The following STXBP4 variants were observed in gnomAD, a reference collection of about 807,000 sequenced individuals.
STXBP4 encodes the protein syntaxin binding protein 4.
STXBP4 carries 55 observed loss-of-function variants against 76.1 expected under a neutral mutation model. The ratio of observed to expected loss-of-function variants is 0.72; its 90% CI spans 0.58 to 0.91. The LOEUF (loss-of-function observed/expected upper bound fraction) is 0.91, where lower values mean the gene tolerates loss of function less well. STXBP4 is among the 40% of genes least tolerant of loss of function. The pLI is 0.00. For missense variants in STXBP4, 618 were observed against 636.9 expected (o/e 0.97, Z 0.32); for synonymous variants, 201 against 220.2 (o/e 0.91, Z 0.77).
At position 55,171,809 on chromosome 17, in the gene STXBP4, C is replaced by G. The variant is rs1368696359; in HGVS notation, c.*11898C>G. 6.6e-6 allele frequency: 1 copy of G among 152,258 alleles called. No individual in the cohort carries two copies. Among genetic ancestry groups the G allele is most frequent in the Non-Finnish European group, 1.5e-5 (1 of 68,082 alleles). The allele number at this position is 152,258 out of a possible 1,614,324, so 9.4% of individuals were successfully genotyped here. ...CCTGGGGCCTTCAGAGGGAGCGGTGCCCAGCTGACACCTTGACCTTGGACT... is the reference window on the plus strand; with the variant it reads ...CCTGGGGCCTTCAGAGGGAGCGGTGGCCAGCTGACACCTTGACCTTGGACT... On this transcript the variant is annotated 3_prime_UTR_variant, in exon 18 of 18. Coordinates refer to ENST00000376352, the MANE Select transcript of STXBP4 (RefSeq NM_178509.6).
intron 17 of STXBP4, among the ~76,000 whole-genome samples, chr17:55,152,726 T>C (rs941943121): frequency 2.0e-5 from 3 of 152,142 alleles, no homozygotes; most frequent in African/African-American, 7.2e-5. Flanking sequence ...CCTCCCTTGA[T>C]ACTGGGGATT....
intron 10 of STXBP4, among the ~76,000 whole-genome samples, chr17:55,037,279 A>G (rs762396373): frequency 1.1e-4 from 17 of 152,270 alleles, no homozygotes; most frequent in Non-Finnish European, 2.5e-4. Context: ...CAGAGCTGCC[A>G]TGCTCATTTT....
At chr17:55,113,963 T>C (rs1371437511) in intron 16 of STXBP4, among the ~76,000 whole-genome samples, 2 of 152,136 alleles carry the variant, frequency 1.3e-5, no homozygotes, top group African/African-American at 4.8e-5. Context: ...TTTCTTAACT[T>C]CTCTGTACCT....
At chr17:55,000,079 T>G (rs2077883066) in intron 6 of STXBP4, 1 of 394,958 alleles carries the variant, frequency 2.5e-6, no homozygotes. Flanking sequence ...CATGACAAAA[T>G]GGTTCCACAA....
At chr17:55,067,894 A>G (rs2079073301) in intron 12 of STXBP4, among the ~76,000 whole-genome samples, 1 of 152,160 alleles carries the variant, frequency 6.6e-6, no homozygotes, top group South Asian at 2.1e-4. Context: ...GGAGTTGGCT[A>G]GATGAGTCAT....
rs574406267 is a variant in STXBP4 at position 55,020,685 on chromosome 17, G to A, written c.667-10483G>A. 2.9e-4 allele frequency among the ~76,000 whole-genome samples: 44 copies of A among 152,214 alleles called. 1 individual carries two copies. Among genetic ancestry groups the A allele is most frequent in the Middle Eastern group, 6.8e-3 (2 of 294 alleles). ...ATACAAAAATTAGCCAGGCATGGTG[G>A]CATGCACCTGTAATCCCAGCTACTT... is the stretch of plus-strand genomic sequence containing the variant. On this transcript the variant is annotated intron_variant, in intron 8 of 17. Transcript: ENST00000376352.
chr17:54,971,184 A>G (rs1022672316), intron 1 of STXBP4, among the ~76,000 whole-genome samples: 1 of 152,226 alleles, frequency 6.6e-6, no homozygotes, highest in African/African-American at 2.4e-5. Flanking sequence ...TTTATTTCCT[A>G]TTACAAGAAC....
chr17:55,045,395 G>A (rs537036385), intron 11 of STXBP4, among the ~76,000 whole-genome samples: 1 of 152,028 alleles, frequency 6.6e-6, no homozygotes, highest in East Asian at 1.9e-4. Context: ...AACTTTTTAT[G>A]TATTCTTTTA....
At chr17:54,969,165 C>G (rs1239586950) in intron 1 of STXBP4, among the ~76,000 whole-genome samples, 1 of 152,192 alleles carries the variant, frequency 6.6e-6, no homozygotes, top group African/African-American at 2.4e-5. Flanking sequence ...CAGTCGGCTT[C>G]CCCTGCTCTG....
At chr17:55,098,171 C>T (rs543269830) in intron 16 of STXBP4, among the ~76,000 whole-genome samples, 1 of 152,088 alleles carries the variant, frequency 6.6e-6, no homozygotes, top group African/African-American at 2.4e-5. Flanking sequence ...TATGATCTAT[C>T]GTTACATTAC....
intron 11 of STXBP4, chr17:55,043,906 T>TA (rs1374013915): frequency 2.6e-6 from 1 of 390,826 alleles, no homozygotes; most frequent in African/African-American, 2.1e-5. Context: ...TGGAGTGCAA[T>TA]ACTGCAATCA....
intron 6 of STXBP4, among the ~76,000 whole-genome samples, chr17:55,000,546 T>C (rs905259602): frequency 7.9e-5 from 12 of 152,198 alleles, no homozygotes; most frequent in African/African-American, 2.7e-4. Flanking sequence ...CCTTATACTT[T>C]GTCACTTGGA....
the STXBP4 span, among the ~76,000 whole-genome samples, chr17:55,204,841 CACAAACACACAT>C: frequency 2.5e-3 from 76 of 30,206 alleles, no homozygotes; most frequent in African/African-American, 4.1e-3. Context: ...CACACACACA[CACAAACACACAT>C]ACCCCTTCAA....
At chr17:55,004,085 A>G (rs1467479553) in intron 7 of STXBP4, among the ~76,000 whole-genome samples, 1 of 152,088 alleles carries the variant, frequency 6.6e-6, no homozygotes, top group Non-Finnish European at 1.5e-5. Context: ...AGGCTAAGGC[A>G]GGAGAATTGC....
At chr17:55,034,138 A>T in intron 9 of STXBP4, 30 bp from the exon 10 acceptor site, 1 of 1,561,720 alleles carries the variant, frequency 6.4e-7, no homozygotes, top group Non-Finnish European at 8.8e-7. Flanking sequence ...GTTAAATGCC[A>T]TGTTCTTACT....
chr17:55,010,608 A>G (rs145581153), intron 8 of STXBP4, among the ~76,000 whole-genome samples: 127 of 152,236 alleles, frequency 8.3e-4, no homozygotes, highest in Admixed American at 1.9e-3. Flanking sequence ...TTGGCTTGAA[A>G]TCAAAATATC....
chr17:55,028,867 A>G (rs1014560449), intron 8 of STXBP4, among the ~76,000 whole-genome samples: 1 of 152,334 alleles, frequency 6.6e-6, no homozygotes, highest in East Asian at 1.9e-4. Context: ...ATGTAGAAAA[A>G]TAGAAATGCT....
At chr17:55,144,005 GCACACACACACACACACACACACACA>G (rs61300425) in intron 17 of STXBP4, among the ~76,000 whole-genome samples, 47 of 138,938 alleles carry the variant, frequency 3.4e-4, no homozygotes, top group Non-Finnish European at 1.6e-5. Flanking sequence ...AAAGCCACCT[GCACACACACACACACACACACACACA>G]CACACACACA....
At chr17:54,988,176 G>A (rs1249563578) in intron 3 of STXBP4, among the ~76,000 whole-genome samples, 2 of 152,150 alleles carry the variant, frequency 1.3e-5, no homozygotes, top group Admixed American at 6.5e-5. Flanking sequence ...TAGTATGATA[G>A]CAATTCAGAA....
Sources: gnomAD v4.1 joint callset for allele counts (sites outside exome capture counted in the v4.1 genomes callset) on GRCh38, gnomAD v4.1.1 for gene constraint, MANE v1.5 for transcripts, NCBI Gene and HGNC (gene_info 2026-07-23, HGNC 2026-07-21) for gene names.